FAM53B: variants seen among roughly 807,000 people sequenced by gnomAD.
The protein encoded by FAM53B is family with sequence similarity 53 member B.
In FAM53B, 12 loss-of-function variants were observed where a neutral mutation model predicts 32.7. The ratio of observed to expected loss-of-function variants is 0.37; its 90% CI spans 0.24 to 0.59. FAM53B has a LOEUF of 0.59. FAM53B is among the 20% of genes least tolerant of loss of function. FAM53B has a pLI of 0.72. For synonymous variants in FAM53B, 234 were observed against 228.7 expected (o/e 1.02, Z -0.21); for missense variants, 477 against 577.7 (o/e 0.83, Z 1.79).
At chr10:124,636,900 G>A (rs571447422) in intron 4 of FAM53B, among the ~76,000 whole-genome samples, 2 of 152,028 alleles carry the variant, frequency 1.3e-5, no homozygotes, top group Non-Finnish European at 2.9e-5. Context: ...AGATGCAGAG[G>A]CGGAGTTCCC....
chr10:124,636,063 A>G (rs189100344), intron 4 of FAM53B, among the ~76,000 whole-genome samples: 5 of 152,318 alleles, frequency 3.3e-5, no homozygotes, highest in Admixed American at 2.0e-4. Flanking sequence ...GAACACGTGA[A>G]TGTACTGTCC....
chr10:124,732,139 C>A (rs915131812), intron 1 of FAM53B, among the ~76,000 whole-genome samples: 1 of 152,200 alleles, frequency 6.6e-6, no homozygotes, highest in Non-Finnish European at 1.5e-5. Context: ...AAAAATTGAG[C>A]CAAAGCTAAA....
At chr10:124,683,049 C>T (rs570242567) in intron 3 of FAM53B, among the ~76,000 whole-genome samples, 1 of 152,304 alleles carries the variant, frequency 6.6e-6, no homozygotes. Flanking sequence ...TGTGTTCACT[C>T]GATTTTTCAC....
At chr10:124,640,006 A>G (rs933946869) in intron 4 of FAM53B, among the ~76,000 whole-genome samples, 10 of 152,196 alleles carry the variant, frequency 6.6e-5, no homozygotes, top group African/African-American at 2.4e-4. Context: ...GCTGCACCTC[A>G]CTGCTACCAT....
intron 4 of FAM53B, among the ~76,000 whole-genome samples, chr10:124,627,356 C>T (rs1300136520): frequency 1.3e-5 from 2 of 152,256 alleles, no homozygotes; most frequent in African/African-American, 4.8e-5. Flanking sequence ...TGGAAGAACA[C>T]TGCACAGGCA....
intron 3 of FAM53B, among the ~76,000 whole-genome samples, chr10:124,694,533 C>T (rs1448126410): frequency 6.6e-6 from 1 of 152,172 alleles, no homozygotes; most frequent in African/African-American, 2.4e-5. Flanking sequence ...AAATAAAGAC[C>T]AACATCTCCA....
intron 4 of FAM53B, among the ~76,000 whole-genome samples, chr10:124,642,974 G>A (rs1053074189): frequency 2.6e-5 from 4 of 152,148 alleles, no homozygotes; most frequent in Admixed American, 1.3e-4. Flanking sequence ...CAAGAAAAAC[G>A]GACATTCCTG....
intron 1 of FAM53B, among the ~76,000 whole-genome samples, chr10:124,719,767 C>G (rs1950058058): frequency 1.3e-5 from 2 of 152,204 alleles, no homozygotes; most frequent in African/African-American, 2.4e-5. Flanking sequence ...CCTCCCAAAC[C>G]AAATGTGGAC....
At chr10:124,688,271 C>A (rs1949814335) in intron 3 of FAM53B, among the ~76,000 whole-genome samples, 1 of 152,262 alleles carries the variant, frequency 6.6e-6, no homozygotes, top group African/African-American at 2.4e-5. Flanking sequence ...CCCTGGCAGA[C>A]CTGAGCAGAG....
chr10:124,719,314 A>G (rs945283161), intron 1 of FAM53B, among the ~76,000 whole-genome samples: 25 of 152,084 alleles, frequency 1.6e-4, no homozygotes, highest in African/African-American at 5.8e-4. Flanking sequence ...TCTGGATATG[A>G]CAATCAGGCC....
intron 4 of FAM53B, among the ~76,000 whole-genome samples, chr10:124,637,410 G>C (rs991859613): frequency 6.6e-6 from 1 of 152,162 alleles, no homozygotes; most frequent in Non-Finnish European, 1.5e-5. Flanking sequence ...TCTTCGGCTT[G>C]AGCCCCGGGT....
chr10:124,714,693 A>C (rs1435350565), intron 1 of FAM53B, among the ~76,000 whole-genome samples: 1 of 144,760 alleles, frequency 6.9e-6, no homozygotes, highest in Non-Finnish European at 1.5e-5. Flanking sequence ...CGGGAGGCAG[A>C]GCTTGCAGTG....
At chr10:124,692,714 C>CAAAAAAA (rs5788679) in intron 3 of FAM53B, among the ~76,000 whole-genome samples, 7 of 69,060 alleles carry the variant, frequency 1.0e-4, no homozygotes, top group African/African-American at 1.3e-4. Flanking sequence ...TACTCCATCT[C>CAAAAAAA]AAAAAAAAAA....
At chr10:124,655,445 AC>A (rs1949583377) in intron 4 of FAM53B, among the ~76,000 whole-genome samples, 2 of 152,096 alleles carry the variant, frequency 1.3e-5, no homozygotes, top group Non-Finnish European at 2.9e-5. Context: ...CCCCACCAAG[AC>A]ATCTCATCCC....
At chr10:124,685,592 C>A (rs552834348) in intron 3 of FAM53B, among the ~76,000 whole-genome samples, 7 of 152,240 alleles carry the variant, frequency 4.6e-5, no homozygotes, top group Non-Finnish European at 1.0e-4. Context: ...CTACAGACTG[C>A]GTCTCCGCCA....
At chr10:124,645,336 G>A (rs1381530835) in intron 4 of FAM53B, among the ~76,000 whole-genome samples, 1 of 152,214 alleles carries the variant, frequency 6.6e-6, no homozygotes, top group African/African-American at 2.4e-5. Flanking sequence ...TAATCATTGA[G>A]AGCAATAATA....
intron 1 of FAM53B, chr10:124,713,961 G>A (rs908701093): frequency 2.0e-5 from 3 of 152,188 alleles, no homozygotes; most frequent in Admixed American, 6.5e-5. Flanking sequence ...TGAAACTTTC[G>A]TAGCTTCAGT....
Position 124,682,067 on chromosome 10 carries a change from C to G in FAM53B, c.446G>C (p.Gly149Ala). 1.2e-6 allele frequency: 2 copies of G among 1,613,772 alleles called. No individual in the cohort carries two copies. Among genetic ancestry groups the G allele is most frequent in the South Asian group, 1.1e-5 (1 of 91,090 alleles). The change falls in exon 4 of 5, where the codon GGG becomes GCG. Residue 149 changes from glycine to alanine, a missense_variant. By Grantham distance (60) the Gly-to-Ala change is moderately conservative (BLOSUM62 0). Coordinates refer to ENST00000337318, the MANE Select transcript of FAM53B (RefSeq NM_014661.4). The surrounding 1 kb of genome is among the most constrained non-coding windows in gnomAD (Gnocchi z 5.2). Reference sequence around the variant, plus strand: ...GTTGGAATAGCGCTGGACGCTGCCCCCGCTGTAGCAGCGTCTCTTTTCCAC... The same window carrying G: ...GTTGGAATAGCGCTGGACGCTGCCCGCGCTGTAGCAGCGTCTCTTTTCCAC... The part of the protein sequence containing the change: ...TPVEKRRCYS[G>A]GSVQRYSNGF...
chr10:124,705,337 A>G (rs1423534412), intron 2 of FAM53B, among the ~76,000 whole-genome samples: 1 of 152,210 alleles, frequency 6.6e-6, no homozygotes, highest in Non-Finnish European at 1.5e-5. Flanking sequence ...TGAGGCAGTT[A>G]CTGCCTGCTC....
Sources: allele counts gnomAD v4.1 joint callset (sites outside exome capture counted in the v4.1 genomes callset), GRCh38; gene constraint gnomAD v4.1.1; non-coding constraint Gnocchi (gnomAD v3.1); transcripts MANE v1.5; gene names NCBI Gene and HGNC (gene_info 2026-07-23, HGNC 2026-07-21).